PARG: variants seen among roughly 807,000 people sequenced by gnomAD.
PARG encodes mitochondrial poly(ADP-ribose) glycohydrolase.
Under a neutral mutation model 113.0 loss-of-function variants are expected in PARG, and 35 were observed. That is an observed-to-expected ratio of 0.31 (90% CI 0.24 to 0.41). The LOEUF is 0.41. Among genes scored for constraint, PARG ranks in the 10% least tolerant of loss-of-function variants. The probability of loss-of-function intolerance (pLI) is 1.00; values close to 1 mark genes in which losing one functional copy is unlikely to be tolerated. For synonymous variants in PARG, 330 were observed against 409.9 expected (o/e 0.81, Z 2.36); for missense variants, 797 against 1,169.4 (o/e 0.68, Z 4.64).
chr10:49,849,167 C>T (rs1845646336), intron 13 of PARG, among the ~76,000 whole-genome samples: 1 of 150,372 alleles, frequency 6.7e-6, no homozygotes, highest in South Asian at 2.1e-4. Context: ...TGCACTCCAT[C>T]CTGGGCAACA....
chr10:49,922,508 A>G (rs1360596576), intron 5 of PARG, 39 bp downstream of exon 5: 2 of 1,609,980 alleles, frequency 1.2e-6, no homozygotes, highest in African/African-American at 2.7e-5. Flanking sequence ...GTACCAAACC[A>G]TTTTTCAGAG....
At chr10:49,841,593 T>A (rs17719843) in intron 15 of PARG, among the ~76,000 whole-genome samples, 28,968 of 152,238 alleles carry the variant, frequency 0.19, 3,301 homozygotes, top group Non-Finnish European at 0.27. Context: ...CCTGATAGCA[T>A]ACTTTGTAGA....
At chr10:49,904,371 T>C (rs1241474501) in intron 7 of PARG, among the ~76,000 whole-genome samples, 2 of 149,742 alleles carry the variant, frequency 1.3e-5, no homozygotes, top group Non-Finnish European at 3.0e-5. Context: ...AAGTTCTCAC[T>C]ATGTTAAGTG....
chr10:49,880,472 T>C (rs193299568), intron 8 of PARG, among the ~76,000 whole-genome samples: 1,632 of 152,298 alleles, frequency 0.011, 12 homozygotes, highest in Non-Finnish European at 0.015. Flanking sequence ...CATTTTTCCT[T>C]CAAATCTTTT....
intron 6 of PARG, among the ~76,000 whole-genome samples, chr10:49,917,619 G>A (rs1320193862): frequency 6.6e-6 from 1 of 151,546 alleles, no homozygotes; most frequent in Non-Finnish European, 1.5e-5. Flanking sequence ...CCAGGAGTTC[G>A]AGACTAGCCT....
intron 15 of PARG, among the ~76,000 whole-genome samples, chr10:49,836,092 A>G (rs374504594): frequency 5.3e-5 from 8 of 152,124 alleles, no homozygotes; most frequent in Non-Finnish European, 8.8e-5. Flanking sequence ...TTCACAGAAC[A>G]TATCTCCATC....
chr10:49,929,755 G>C (rs1224097693), intron 4 of PARG, among the ~76,000 whole-genome samples: 2 of 151,626 alleles, frequency 1.3e-5, no homozygotes, highest in African/African-American at 4.9e-5. Flanking sequence ...GAACCCGGGA[G>C]GTGGAAGTTG....
intron 4 of PARG, among the ~76,000 whole-genome samples, chr10:49,924,879 T>C (rs539044412): frequency 3.6e-4 from 54 of 150,918 alleles, no homozygotes; most frequent in African/African-American, 1.2e-3. Flanking sequence ...AGAGCAAGGG[T>C]CCCCAACCCC....
chr10:49,882,520 TC>T (rs1847266328), intron 8 of PARG, among the ~76,000 whole-genome samples: 2 of 152,180 alleles, frequency 1.3e-5, no homozygotes. Flanking sequence ...GAGAAGAAAG[TC>T]ACTGGGAGAA....
At chr10:49,893,456 A>G (rs1258859892) in intron 7 of PARG, among the ~76,000 whole-genome samples, 1 of 152,046 alleles carries the variant, frequency 6.6e-6, no homozygotes, top group Non-Finnish European at 1.5e-5. Context: ...TATATTCTGG[A>G]TACATGTCCC....
chr10:49,874,711 G>A (rs1318974179), intron 9 of PARG, among the ~76,000 whole-genome samples: 3 of 149,772 alleles, frequency 2.0e-5, no homozygotes, highest in Admixed American at 6.6e-5. Flanking sequence ...AAAATTAGCC[G>A]GGCGTGGTGG....
At chr10:49,893,433 T>C (rs1554841993) in intron 7 of PARG, among the ~76,000 whole-genome samples, 1 of 152,224 alleles carries the variant, frequency 6.6e-6, no homozygotes, top group Admixed American at 6.5e-5. Flanking sequence ...TATTTTTCAA[T>C]TGTAGTTCTT....
chr10:49,914,511 G>A (rs1343708650), intron 7 of PARG, among the ~76,000 whole-genome samples: 4 of 152,202 alleles, frequency 2.6e-5, no homozygotes, highest in Admixed American at 2.0e-4. Flanking sequence ...GCACTATCTC[G>A]AAATGCAGAA....
At chr10:49,821,953 C>A (rs781878811) in intron 16 of PARG, among the ~76,000 whole-genome samples, 42 of 151,934 alleles carry the variant, frequency 2.8e-4, no homozygotes, top group Non-Finnish European at 5.0e-4. Context: ...TGGTCTTAGG[C>A]CAGAAAGAGA....
At chr10:49,882,511 A>C (rs1335792677) in intron 8 of PARG, among the ~76,000 whole-genome samples, 1 of 152,236 alleles carries the variant, frequency 6.6e-6, no homozygotes, top group Non-Finnish European at 1.5e-5. Context: ...ATGCTAATGG[A>C]GAAGAAAGTC....
intron 4 of PARG, among the ~76,000 whole-genome samples, chr10:49,924,457 T>C (rs1181532950): frequency 6.6e-6 from 1 of 151,636 alleles, no homozygotes; most frequent in Non-Finnish European, 1.5e-5. Flanking sequence ...TAAGGCTTCC[T>C]TGAGGAAGTG....
chr10:49,913,485 T>A lies in PARG; in HGVS notation c.1737+2432A>T, dbSNP rs1837308287. ...ACAGCATAAATTTTAAACATACATT[T>A]ATGTCTAGCTATAAGACATCATATA... On this transcript the variant is annotated intron_variant, in intron 7 of 17. Coordinates refer to ENST00000616448, the MANE Select transcript of PARG (RefSeq NM_003631.5). Among the ~76,000 whole-genome samples, 4 of 152,234 alleles carry A rather than the reference T, an allele frequency of 2.6e-5. No individual in the cohort carries two copies. In the South Asian group the frequency reaches 8.3e-4, roughly 32 times the overall value.
chr10:49,834,365 T>C (rs1554830773), intron 15 of PARG, among the ~76,000 whole-genome samples: 2 of 152,228 alleles, frequency 1.3e-5, no homozygotes, highest in African/African-American at 2.4e-5. Context: ...TTTTATACTA[T>C]CAGGATGGTT....
chr10:49,858,824 G>C (rs1846116147), intron 12 of PARG, among the ~76,000 whole-genome samples: 1 of 151,450 alleles, frequency 6.6e-6, no homozygotes, highest in African/African-American at 2.4e-5. Context: ...CTACATATGA[G>C]GTCTATGGGC....
Sources: allele counts gnomAD v4.1 joint callset (sites outside exome capture counted in the v4.1 genomes callset), GRCh38; gene constraint gnomAD v4.1.1; transcripts MANE v1.5; gene names NCBI Gene and HGNC (gene_info 2026-07-23, HGNC 2026-07-21).